Variants in DNAH2 observed in about 807,000 individuals in gnomAD.
DNAH2 encodes the protein dynein axonemal heavy chain 2.
DNAH2 carries 323 observed loss-of-function variants against 523.5 expected under a neutral mutation model. The observed-to-expected ratio is 0.62, with a 90% CI of 0.56 to 0.68. The LOEUF (loss-of-function observed/expected upper bound fraction) is 0.68. Ranked by LOEUF, DNAH2 falls within the 30% of genes least tolerant of loss-of-function variation. The pLI is 0.00. For synonymous variants in DNAH2, 2,093 were observed against 2,177.4 expected, an observed-to-expected ratio of 0.96 and a Z score of 1.08; for missense variants, 4,907 against 5,701.5, an observed-to-expected ratio of 0.86 and a Z score of 4.49.
intron 35 of DNAH2, 107 bp from the exon 36 acceptor site, chr17:7,779,136 G>C (rs2076537050): frequency 7.4e-7 from 1 of 1,350,598 alleles, no homozygotes; most frequent in Non-Finnish European, 1.0e-6. Context: ...CCCTAGTCTG[G>C]AGGCCGCCTC....
At chr17:7,803,155 A>G (rs1346538879) in intron 58 of DNAH2, among the ~76,000 whole-genome samples, 1 of 152,144 alleles carries the variant, frequency 6.6e-6, no homozygotes, top group South Asian at 2.1e-4. Context: ...ACCTGGAGTT[A>G]GAGTCAGATC....
chr17:7,807,499 G>A lies in DNAH2; in HGVS notation c.9642G>A (p.Glu3214=). ...ATGGGCGGCTATATCGGGTGGTGGA[G>A]CCCAAGCGAATCCGAATGAACGCTG... is the stretch of plus-strand genomic sequence containing the variant. The part of the protein sequence containing the change: ...ELYGRLYRVV[E]PKRIRMNAAL... Residue 3214 remains glutamate, a synonymous_variant, in exon 63 of 86, where the codon GAG becomes GAA. Transcript: ENST00000572933. This position sits in a 1 kb window ranked among gnomAD's most constrained non-coding sequence, Gnocchi z 5.6. The A allele has an allele frequency of 1.2e-6, 2 of 1,613,618 alleles. No individual in the cohort carries two copies. Among genetic ancestry groups the A allele is most frequent in the African/African-American group, 2.7e-5 (2 of 75,058 alleles).
At chr17:7,787,789 C>T (rs1237919549) in intron 42 of DNAH2, 71 bp from the exon 43 acceptor site, 12 of 1,479,360 alleles carry the variant, frequency 8.1e-6, no homozygotes, top group East Asian at 4.6e-5. Context: ...ATCCGAGTTC[C>T]GGGTGTTTTA....
chr17:7,723,568 A>G, intron 2 of DNAH2, 60 bp from the exon 3 acceptor site: 1 of 1,491,364 alleles, frequency 6.7e-7, no homozygotes, highest in South Asian at 1.1e-5. Context: ...CACCGCGCCC[A>G]GCTGACTGTG....
chr17:7,788,736 G>A (rs1312594093), intron 44 of DNAH2, among the ~76,000 whole-genome samples: 1 of 152,180 alleles, frequency 6.6e-6, no homozygotes, highest in Non-Finnish European at 1.5e-5. Context: ...CTTCTGTTGA[G>A]ATTAAATCAC....
intron 12 of DNAH2, among the ~76,000 whole-genome samples, chr17:7,746,859 C>T (rs954269070): frequency 1.3e-5 from 2 of 151,888 alleles, no homozygotes; most frequent in Non-Finnish European, 2.9e-5. Flanking sequence ...TGGTGGCGTG[C>T]GCCTGTAATC....
At position 7,819,400 on chromosome 17, in the gene DNAH2, T is replaced by C; in HGVS notation, c.11007T>C (p.Ala3669=). The change falls in exon 72 of 86, where the codon GCT becomes GCC. Residue 3669 remains alanine (A), a synonymous_variant. Transcript: ENST00000572933. ...IDYLNDYHTY[A]VYRYTCRTLF... ...ACCTGAATGACTACCACACCTACGC[T>C]GTCTACAGGTCTGAGGGTGCCCCCA... 1 of 1,614,246 alleles carries C rather than the reference T, an allele frequency of 6.2e-7. No homozygotes were observed. Among genetic ancestry groups the C allele is most frequent in the Admixed American group, 1.7e-5 (1 of 60,028 alleles).
In DNAH2 at chr17:7,776,775, C is replaced by A; in HGVS notation, c.4948-4C>A. 1 of 1,611,000 alleles carries A rather than the reference C, an allele frequency of 6.2e-7. No homozygotes were observed. The highest frequency in any genetic ancestry group is 1.1e-5 in the South Asian group (1 of 90,950). ...TTTGGGACGTGGCTTCTGCACATCCCCAGGTGGTGATCACTGCCAGTCAGA... is the reference window on the plus strand; with the variant it reads ...TTTGGGACGTGGCTTCTGCACATCCACAGGTGGTGATCACTGCCAGTCAGA... On this transcript the variant is annotated splice_region_variant and splice_polypyrimidine_tract_variant and intron_variant, in intron 31 of 85. Coordinates refer to ENST00000572933, the MANE Select transcript of DNAH2 (RefSeq NM_020877.5).
At position 7,797,050 on chromosome 17, in the gene DNAH2, TGA is replaced by T. The variant is rs1417939702; in HGVS notation, c.7864-123_7864-122del. On this transcript the variant is annotated intron_variant, in intron 50 of 85. Transcript: ENST00000572933. ...CTGGGAGGCAGAGGTTGCAGTGAGC[TGA>T]GATTGCACCACTGCAGTCCAGCCTT... 6 of 832,514 alleles carry T rather than the reference TGA, an allele frequency of 7.2e-6. No homozygotes were observed. In the Admixed American group the frequency reaches 7.4e-5, roughly 10 times the overall value. The allele number at this position is 832,514 out of a possible 1,614,324, so 51.6% of individuals were successfully genotyped here.
Position 7,771,355 on chromosome 17 carries a change from G to A in DNAH2, c.4388G>A (p.Arg1463His), listed in dbSNP as rs146287609. The change falls in exon 28 of 86, where the codon CGC (arginine) becomes CAC (histidine). Residue 1463 changes from arginine (R) to histidine (H), a missense_variant. Physicochemically the swap from Arg to His is conservative, Grantham distance 29. Around this residue, in one of 3 missense-constraint regions of DNAH2, gnomAD observed 2,806 missense variants for 3,190.8 expected, o/e 0.88. Coordinates refer to ENST00000572933, the MANE Select transcript of DNAH2 (RefSeq NM_020877.5). The stretch of plus-strand genomic sequence containing the variant: ...AATATCTTCCTAGGAGAAGACATCC[G>A]CAAGCAGCTGCCCAATGAATCGACC... ...LENIFLGEDIRKQLPNESTLF... is the reference protein window; with the variant it reads ...LENIFLGEDIHKQLPNESTLF... 14 of 1,614,078 alleles carry A rather than the reference G, an allele frequency of 8.7e-6. No individual in the cohort carries two copies. The highest frequency in any genetic ancestry group is 1.6e-4 in the Middle Eastern group (1 of 6,062).
rs776494728 is a variant in DNAH2, at chr17:7,768,000, C to T, written c.3776C>T (p.Thr1259Ile). The T allele has an allele frequency of 3.7e-5, 59 of 1,614,012 alleles. No individual in the cohort carries two copies. The highest frequency in any genetic ancestry group is 4.7e-5 in the Non-Finnish European group (55 of 1,180,042). ...CGGTTCCTGATCCTGCAGACGGAAA[C>T]CATGGAGACCACGGCCCACGGGCTG... ...TGRFLILQTE[T>I]METTAHGLFR... Residue 1259 changes from threonine (T) to isoleucine (I), a missense_variant, in exon 23 of 86, where the codon ACC becomes ATC. By Grantham distance (89) the Thr-to-Ile change is moderately conservative. Transcript: ENST00000572933.
In DNAH2 at chr17:7,734,497, T is replaced by C. The variant is rs1196369841; in HGVS notation, c.767T>C (p.Ile256Thr). The C allele has an allele frequency of 3.0e-5, 48 of 1,613,448 alleles. No individual in the cohort carries two copies. Among genetic ancestry groups the C allele is most frequent in the Non-Finnish European group, 3.8e-5 (45 of 1,179,924 alleles). The change falls in exon 7 of 86, where the codon ATA becomes ACA. Residue 256 changes from isoleucine to threonine, a missense_variant. Around this residue, in one of 3 missense-constraint regions of DNAH2, gnomAD observed 2,806 missense variants for 3,190.8 expected, o/e 0.88. Transcript: ENST00000572933. ...TCCATGATCCACTGGACCCGGCAGA[T>C]AAAGGAGATGCTCAGTGCCCAGGAG... ...ETSMIHWTRQ[I>T]KEMLSAQETV...
rs748410497 is a variant in DNAH2, at chr17:7,778,175, G to A, written c.5346G>A (p.Thr1782=). ...NSGRLVITPL[T]DRCYMTLTTA... is the part of the protein sequence containing the mutation. ...GCCGGCTCGTCATCACCCCCCTGACGGACAGGTCTGCCATGTGGGATGAAT... is the reference window on the plus strand; with the variant it reads ...GCCGGCTCGTCATCACCCCCCTGACAGACAGGTCTGCCATGTGGGATGAAT... The change falls in exon 34 of 86, where the codon ACG becomes ACA. Residue 1782 remains threonine, a synonymous_variant. Coordinates refer to ENST00000572933, the MANE Select transcript of DNAH2 (RefSeq NM_020877.5). 12 of 1,614,064 alleles carry A rather than the reference G, an allele frequency of 7.4e-6. No homozygotes were observed. Among genetic ancestry groups the A allele is most frequent in the South Asian group, 5.5e-5 (5 of 91,084 alleles).
intron 24 of DNAH2, among the ~76,000 whole-genome samples, chr17:7,768,498 A>G (rs892376105): frequency 1.3e-5 from 2 of 152,220 alleles, no homozygotes; most frequent in African/African-American, 2.4e-5. Flanking sequence ...CACATTGTAG[A>G]ATGGCTAAAT....
rs527963401 is a variant in DNAH2, at chr17:7,829,030, AT to A, written c.11854-1257del. On this transcript the variant is annotated intron_variant, in intron 77 of 85. Coordinates refer to ENST00000572933, the MANE Select transcript of DNAH2 (RefSeq NM_020877.5). ...GGCTCAAACATCCATTATTATTATTATTTTTTTTTTTTTGAGACAGAGTCTT... is the reference window on the plus strand; with the variant it reads ...GGCTCAAACATCCATTATTATTATTATTTTTTTTTTTTGAGACAGAGTCTT... 1.2e-3 allele frequency among the ~76,000 whole-genome samples: 168 copies of A among 143,110 alleles called. 1 individual carries two copies. Among genetic ancestry groups the A allele is most frequent in the African/African-American group, 2.2e-3 (88 of 39,562 alleles). 93.9% of individuals were successfully genotyped at this position (143,110 alleles called of 152,430 possible).
At chr17:7,747,056 C>A (rs1005721589) in intron 12 of DNAH2, among the ~76,000 whole-genome samples, 1 of 151,156 alleles carries the variant, frequency 6.6e-6, no homozygotes, top group African/African-American at 2.4e-5. Flanking sequence ...TATCCCCAAT[C>A]CCTAGAGGTA....
rs201806616 is a variant in DNAH2, at chr17:7,741,289, TCTTTCTTC to T, written c.1689+301_1689+308del. Among the ~76,000 whole-genome samples the T allele has an allele frequency of 5.5e-3, 307 of 55,468 alleles. 10 individuals carry two copies. Among genetic ancestry groups the T allele is most frequent in the African/African-American group, 9.3e-3 (101 of 10,814 alleles). The allele number at this position is 55,468 out of a possible 152,430, so 36.4% of individuals were successfully genotyped here. ...TTCTTTCTTTCTTTCTTTCTTTCTT[TCTTTCTTC>T]CTTCCTTCCCTCCCTCCCTCCCTCC... is the stretch of plus-strand genomic sequence containing the variant. On this transcript the variant is annotated intron_variant, in intron 11 of 85. Transcript: ENST00000572933.
Position 7,757,122 on chromosome 17 carries a change from T to C in DNAH2, c.1936T>C (p.Tyr646His). ...SLLILFAEID[Y>H]WERLLFETPH... ...TCTGATTCTCTTTGCGGAAATTGACTACTGGGAGCGGCTGCTGTTTGAGAC... is the reference window on the plus strand; with the variant it reads ...TCTGATTCTCTTTGCGGAAATTGACCACTGGGAGCGGCTGCTGTTTGAGAC... Residue 646 changes from tyrosine (Y) to histidine (H), a missense_variant, in exon 13 of 86, where the codon TAC becomes CAC. Tyr to His is a moderately conservative substitution (Grantham distance 83). Coordinates refer to ENST00000572933, the MANE Select transcript of DNAH2 (RefSeq NM_020877.5). The C allele has an allele frequency of 6.2e-7, 1 of 1,614,176 alleles. No homozygotes were observed. Among genetic ancestry groups the C allele is most frequent in the Non-Finnish European group, 8.5e-7 (1 of 1,180,008 alleles).
intron 73 of DNAH2, among the ~76,000 whole-genome samples, chr17:7,822,119 C>T (rs917871405): frequency 1.6e-4 from 25 of 152,164 alleles, no homozygotes; most frequent in African/African-American, 5.6e-4. Flanking sequence ...TACAGGCCTG[C>T]GCCACCACGC....
Sources: allele counts gnomAD v4.1 joint callset (sites outside exome capture counted in the v4.1 genomes callset), GRCh38; gene constraint gnomAD v4.1.1; regional missense constraint gnomAD v4.1.1; non-coding constraint Gnocchi (gnomAD v3.1); transcripts MANE v1.5; gene names NCBI Gene and HGNC (gene_info 2026-07-23, HGNC 2026-07-21).